The following POLE variants were observed in gnomAD, a reference collection of about 807,000 sequenced individuals.
POLE encodes DNA polymerase epsilon catalytic subunit A.
Under a neutral mutation model 279.2 loss-of-function variants are expected in POLE, and 188 were observed. That is an observed-to-expected ratio of 0.67 (90% CI 0.60 to 0.76). The LOEUF (loss-of-function observed/expected upper bound fraction) is 0.76, where lower values mean the gene tolerates loss of function less well. Among genes scored for constraint, POLE ranks in the 30% least tolerant of loss-of-function variants. The pLI, the probability that POLE is intolerant of heterozygous loss-of-function variation, is 0.00. For synonymous variants in POLE, 1,214 were observed against 1,172.5 expected (o/e 1.04, Z -0.72); for missense variants, 2,703 against 3,016.7 (o/e 0.90, Z 2.44).
intron 1 of POLE, 108 bp downstream of exon 1, chr12:132,687,146 C>A (rs2043292792): frequency 3.3e-6 from 2 of 597,594 alleles, no homozygotes; most frequent in Non-Finnish European, 4.7e-6. Flanking sequence ...CGAGTGCGGG[C>A]GGCTGCGGGA....
chr12:132,638,628 C>T (rs978917111), intron 40 of POLE: 3 of 168,228 alleles, frequency 1.8e-5, no homozygotes, highest in African/African-American at 7.2e-5. Flanking sequence ...CTGGTGAAGT[C>T]CATCAAATCA....
rs115047349 is a variant in POLE at position 132,673,625 on chromosome 12, C to A, written c.1309G>T (p.Val437Leu). 1.2e-6 allele frequency: 2 copies of A among 1,613,872 alleles called. No individual in the cohort carries two copies. The highest frequency in any genetic ancestry group is 1.7e-6 in the Non-Finnish European group (2 of 1,179,996). ...CACATGTCCTCCGGGTCTAGCTCCA[C>A]GGGATCATAGCCTAGCTTGGCCTTG... is the stretch of plus-strand genomic sequence containing the variant. The part of the protein sequence containing the change: ...AAKAKLGYDP[V>L]ELDPEDMCRM... Residue 437 changes from valine to leucine, a missense_variant, in exon 13 of 49, where the codon GTG (valine) becomes TTG (leucine). Coordinates refer to ENST00000320574, the MANE Select transcript of POLE (RefSeq NM_006231.4).
At chr12:132,644,786 T>G (rs1593738428) in intron 32 of POLE, among the ~76,000 whole-genome samples, 1 of 67,972 alleles carries the variant, frequency 1.5e-5, no homozygotes, top group Non-Finnish European at 2.8e-5. Flanking sequence ...CTGTGTGGGG[T>G]CCTGGGGGGG....
chr12:132,664,264 C>T lies in POLE; in HGVS notation c.2561+106G>A, dbSNP rs1163814671. ...AGTGTGTGGCCTCCAGCCTTCCCTC[C>T]TTCCTTCCTGCCCAGTGTGTGGCCT... On this transcript the variant is annotated intron_variant, in intron 22 of 48. Coordinates refer to ENST00000320574, the MANE Select transcript of POLE (RefSeq NM_006231.4). This position sits in a 1 kb window ranked among gnomAD's most constrained non-coding sequence, Gnocchi z 5.3. 4.9e-6 allele frequency: 6 copies of T among 1,236,104 alleles called. No individual in the cohort carries two copies. Among genetic ancestry groups the T allele is most frequent in the Middle Eastern group, 2.1e-4 (1 of 4,832 alleles). The allele number at this position is 1,236,104 out of a possible 1,614,324, so 76.6% of individuals were successfully genotyped here.
intron 20 of POLE, among the ~76,000 whole-genome samples, chr12:132,666,300 T>C (rs1456823882): frequency 1.3e-5 from 2 of 152,238 alleles, no homozygotes; most frequent in East Asian, 1.9e-4. Context: ...GAAAACATCA[T>C]ACTAAGACTG....
At chr12:132,673,108 T>C (rs2042967374) in intron 14 of POLE, 56 bp downstream of exon 14, 2 of 1,160,778 alleles carry the variant, frequency 1.7e-6, no homozygotes, top group East Asian at 4.7e-5. Flanking sequence ...CCAGTGCATT[T>C]GGAATGGGGC....
Position 132,664,472 on chromosome 12 carries a change from C to T in POLE, c.2469-10G>A, listed in dbSNP as rs1060500870. 20 of 1,611,294 alleles carry T rather than the reference C, an allele frequency of 1.2e-5. No individual in the cohort carries two copies. In the East Asian group the frequency reaches 2.0e-4, roughly 16 times the overall value. On this transcript the variant is annotated splice_polypyrimidine_tract_variant and intron_variant, in intron 21 of 48. Coordinates refer to ENST00000320574, the MANE Select transcript of POLE (RefSeq NM_006231.4). The surrounding 1 kb of genome is among the most constrained non-coding windows in gnomAD (Gnocchi z 5.3). ...GGAGTACCAGCGAGCCCTGAGAGGA[C>T]ACCACAAACTGGTGGGTGGGGCTGG...
At chr12:132,636,919 G>T (rs556608598) in intron 41 of POLE, among the ~76,000 whole-genome samples, 2 of 152,344 alleles carry the variant, frequency 1.3e-5, no homozygotes, top group South Asian at 4.1e-4. Context: ...TCGCGCTAAG[G>T]AAGAATAGCA....
chr12:132,668,980 C>T lies in POLE; in HGVS notation c.1795-41G>A. ...AACTCAGTAGAGGCTGGTGACCAAG[C>T]TTGCCTCGTGTGCAGTTCACCAACC... On this transcript the variant is annotated intron_variant, in intron 16 of 48. Transcript: ENST00000320574. The surrounding 1 kb of genome is among the most constrained non-coding windows in gnomAD (Gnocchi z 4.0). 1 of 1,597,572 alleles carries T rather than the reference C, an allele frequency of 6.3e-7. No homozygotes were observed. The highest frequency in any genetic ancestry group is 8.6e-7 in the Non-Finnish European group (1 of 1,168,302).
At chr12:132,679,413 T>C in intron 6 of POLE, 84 bp downstream of exon 6, 1 of 1,351,270 alleles carries the variant, frequency 7.4e-7, no homozygotes, top group Non-Finnish European at 1.0e-6. Context: ...GCCATTAAGG[T>C]AACTTTGTTG....
At position 132,677,439 on chromosome 12, in the gene POLE, T is replaced by G; in HGVS notation, c.725A>C (p.His242Pro). 1 of 1,613,940 alleles carries G rather than the reference T, an allele frequency of 6.2e-7. No homozygotes were observed. Among genetic ancestry groups the G allele is most frequent in the Non-Finnish European group, 8.5e-7 (1 of 1,179,792 alleles). ...LSIDLKIHVA[H>P]WYNVRYRGNA... is the part of the protein sequence containing the mutation. ...TCCTCGGTATCTGACATTGTACCAA[T>G]GAGCCTGCAAAACACACAGTGTGCT... Residue 242 changes from histidine (H) to proline (P), a missense_variant, in exon 8 of 49, where the codon CAT becomes CCT. By Grantham distance (77) the His-to-Pro change is moderately conservative (BLOSUM62 -2). Coordinates refer to ENST00000320574, the MANE Select transcript of POLE (RefSeq NM_006231.4).
At chr12:132,667,884 C>A (rs574626729) in intron 19 of POLE, among the ~76,000 whole-genome samples, 1 of 152,190 alleles carries the variant, frequency 6.6e-6, no homozygotes, top group African/African-American at 2.4e-5. Context: ...GAGTTTGAGA[C>A]CAGCCTAGGC....
Position 132,624,678 on chromosome 12 carries a change from AC to A in POLE, c.*18del. The A allele has an allele frequency of 1.3e-6, 2 of 1,500,528 alleles. No homozygotes were observed. Among genetic ancestry groups the A allele is most frequent in the South Asian group, 1.1e-5 (1 of 88,824 alleles). The allele number at this position is 1,500,528 out of a possible 1,614,324, so 93.0% of individuals were successfully genotyped here. On this transcript the variant is annotated 3_prime_UTR_variant, in exon 49 of 49. Transcript: ENST00000320574. The stretch of plus-strand genomic sequence containing the variant: ...GGAGGCCTGGCACGGACGCAGAGGC[AC>A]CCGGGGCCCGGGGCTGGCTAATGGC...
chr12:132,647,571 G>C (rs185086932), intron 32 of POLE, among the ~76,000 whole-genome samples: 1 of 152,042 alleles, frequency 6.6e-6, no homozygotes, highest in African/African-American at 2.4e-5. Context: ...CAGAGGAACA[G>C]AATCTGAAGA....
At chr12:132,629,480 G>A (rs2041894542) in intron 45 of POLE, among the ~76,000 whole-genome samples, 4 of 152,210 alleles carry the variant, frequency 2.6e-5, no homozygotes, top group Admixed American at 2.0e-4. Flanking sequence ...ACTCGCTGCA[G>A]CCTCTCCACC....
At position 132,639,427 on chromosome 12, in the gene POLE, C is replaced by A; in HGVS notation, c.5379-129G>T. Reference sequence around the variant, plus strand: ...GGTCCAAATCCGTCACTGTCGCCTCCCCTTCTCACTGTCCCCACCTTAAGT... The same window carrying A: ...GGTCCAAATCCGTCACTGTCGCCTCACCTTCTCACTGTCCCCACCTTAAGT... On this transcript the variant is annotated intron_variant, in intron 39 of 48. Transcript: ENST00000320574. This position sits in a 1 kb window ranked among gnomAD's most constrained non-coding sequence, Gnocchi z 4.7. The A allele has an allele frequency of 1.3e-6, 1 of 754,182 alleles. No homozygotes were observed. 46.7% of individuals were successfully genotyped at this position (754,182 alleles called of 1,614,324 possible).
At chr12:132,626,375 T>C in intron 45 of POLE, 58 bp from the exon 46 acceptor site, 1 of 1,543,612 alleles carries the variant, frequency 6.5e-7, no homozygotes, top group Non-Finnish European at 8.9e-7. Flanking sequence ...TGCTGCTCTG[T>C]CTGGACCAGA....
chr12:132,632,826 G>T lies in POLE; in HGVS notation c.6005-31C>A, dbSNP rs1242337989. On this transcript the variant is annotated intron_variant, in intron 43 of 48. Coordinates refer to ENST00000320574, the MANE Select transcript of POLE (RefSeq NM_006231.4). ...GAGAGGCACACACACCACAGGCCCT[G>T]AGTCGGGCTGCTGCAAACACCCTAG... is the stretch of plus-strand genomic sequence containing the variant. 3 of 1,564,268 alleles carry T rather than the reference G, an allele frequency of 1.9e-6. No homozygotes were observed. The East Asian group carries it at 6.8e-5, about 35-fold the overall frequency.
chr12:132,654,089 C>T (rs11146994), intron 29 of POLE, among the ~76,000 whole-genome samples: 6 of 151,918 alleles, frequency 3.9e-5, no homozygotes, highest in East Asian at 1.9e-4. Context: ...GTTCATGGCC[C>T]GTAACTTTCC....
Sources: gnomAD v4.1 joint callset for allele counts (sites outside exome capture counted in the v4.1 genomes callset) on GRCh38, gnomAD v4.1.1 for gene constraint, Gnocchi (gnomAD v3.1) non-coding constraint, MANE v1.5 for transcripts, NCBI Gene and HGNC (gene_info 2026-07-23, HGNC 2026-07-21) for gene names.